Variants in DIP2C observed in about 807,000 individuals in gnomAD.
DIP2C encodes disco-interacting protein 2 homolog C.
Under a neutral mutation model 192.4 loss-of-function variants are expected in DIP2C, and 33 were observed. The observed-to-expected ratio is 0.17, with a 90% confidence interval of 0.13 to 0.23. The LOEUF (loss-of-function observed/expected upper bound fraction) is 0.23. Ranked by LOEUF, DIP2C falls within the 10% of genes least tolerant of loss-of-function variation. The pLI is 1.00. For synonymous variants in DIP2C, 979 were observed against 864.1 expected (o/e 1.13, Z -2.33); for missense variants, 1,537 against 2,110.1 (o/e 0.73, Z 5.32).
chr10:632,129 A>G (rs1854554427), intron 1 of DIP2C, among the ~76,000 whole-genome samples: 1 of 152,268 alleles, frequency 6.6e-6, no homozygotes, highest in African/African-American at 2.4e-5. Context: ...AAAGCAACAC[A>G]GAATCCGTTT....
intron 1 of DIP2C, among the ~76,000 whole-genome samples, chr10:653,724 C>T (rs1052060809): frequency 7.2e-5 from 11 of 152,216 alleles, no homozygotes; most frequent in East Asian, 5.8e-4. Flanking sequence ...GGGGAACAGA[C>T]GGCCCACCAA....
At chr10:572,055 G>A (rs1448952898) in intron 1 of DIP2C, among the ~76,000 whole-genome samples, 1 of 152,238 alleles carries the variant, frequency 6.6e-6, no homozygotes, top group African/African-American at 2.4e-5. Context: ...CTCTAGGGGT[G>A]TTTTCCTCTC....
At chr10:589,991 T>A (rs888643212) in intron 1 of DIP2C, among the ~76,000 whole-genome samples, 1 of 152,224 alleles carries the variant, frequency 6.6e-6, no homozygotes, top group Non-Finnish European at 1.5e-5. Context: ...GACGGTTGAC[T>A]AGAAGAGAAA....
At position 422,617 on chromosome 10, in the gene DIP2C, C is replaced by T. The variant is rs138915116; in HGVS notation, c.604+207G>A. 1.0e-3 allele frequency among the ~76,000 whole-genome samples: 156 copies of T among 152,326 alleles called. 1 individual carries two copies. The highest frequency in any genetic ancestry group is 3.7e-3 in the African/African-American group (152 of 41,570). On this transcript the variant is annotated intron_variant, in intron 5 of 36. Coordinates refer to ENST00000280886, the MANE Select transcript of DIP2C (RefSeq NM_014974.3). ...GCTGCAGGATTCCCCAGGAACAAGG[C>T]CCCTGGAATTGCAGCTGTGGGAGGG...
At chr10:326,545 T>G (rs1397236171) in intron 31 of DIP2C, among the ~76,000 whole-genome samples, 1 of 152,228 alleles carries the variant, frequency 6.6e-6, no homozygotes, top group Non-Finnish European at 1.5e-5. Flanking sequence ...CTAGAGCTGC[T>G]TCACTTACGC....
intron 4 of DIP2C, chr10:437,550 A>AT (rs1458701837): frequency 7.2e-5 from 11 of 152,264 alleles, no homozygotes; most frequent in Admixed American, 2.0e-4. Flanking sequence ...CGTCTCATTC[A>AT]TTCTCCTGCC....
intron 32 of DIP2C, among the ~76,000 whole-genome samples, chr10:303,898 G>A (rs999693943): frequency 6.6e-6 from 1 of 151,916 alleles, no homozygotes; most frequent in Non-Finnish European, 1.5e-5. Context: ...GGGCCTCCAC[G>A]GGGTCAGGAT....
In DIP2C at chr10:651,414, GA is replaced by G. The variant is rs1855894276; in HGVS notation, c.85+38079del. The G allele has an allele frequency of 1.4e-6, 1 of 697,842 alleles. No homozygotes were observed. Among genetic ancestry groups the G allele is most frequent in the African/African-American group, 1.7e-5 (1 of 57,204 alleles). The allele number at this position is 697,842 out of a possible 1,614,324, so 43.2% of individuals were successfully genotyped here. On this transcript the variant is annotated intron_variant, in intron 1 of 36. Transcript: ENST00000280886. This position sits in a 1 kb window ranked among gnomAD's most constrained non-coding sequence, Gnocchi z 4.1. ...CTGTGGAACAACCAAACTCGTGACT[GA>G]ATGAACAAGTATGTTAAGTCGTTAA...
chr10:599,228 G>A (rs1275028678), intron 1 of DIP2C, among the ~76,000 whole-genome samples: 3 of 152,106 alleles, frequency 2.0e-5, no homozygotes, highest in Non-Finnish European at 4.4e-5. Flanking sequence ...TCAACAGAAT[G>A]GTTAGAATGA....
At chr10:480,600 G>T (rs183726862) in intron 2 of DIP2C, among the ~76,000 whole-genome samples, 1 of 152,254 alleles carries the variant, frequency 6.6e-6, no homozygotes, top group Non-Finnish European at 1.5e-5. Context: ...AAACCCACGT[G>T]AGCAGTTCCA....
chr10:325,134 G>A lies in DIP2C; in HGVS notation c.3924+1872C>T, dbSNP rs112883343. The stretch of plus-strand genomic sequence containing the variant: ...CAAAAAATTAGCTGCGCTTGGTGGC[G>A]AGCACCTGTAGTCCCAGATGCTGGG... On this transcript the variant is annotated intron_variant, in intron 31 of 36. Transcript: ENST00000280886. 2,934 of 348,996 alleles carry A rather than the reference G, an allele frequency of 8.4e-3. 20 individuals carry two copies. Among genetic ancestry groups the A allele is most frequent in the Non-Finnish European group, 0.012 (2,175 of 176,642 alleles). The allele number at this position is 348,996 out of a possible 1,614,324, so 21.6% of individuals were successfully genotyped here.
chr10:306,635 A>C (rs1312979793), intron 32 of DIP2C, among the ~76,000 whole-genome samples: 1 of 152,204 alleles, frequency 6.6e-6, no homozygotes. Context: ...AAGAAATAAG[A>C]TCAGTGCTTT....
chr10:619,527 A>AAGCC, intron 1 of DIP2C, among the ~76,000 whole-genome samples: 2 of 44,950 alleles, frequency 4.4e-5, no homozygotes, highest in Non-Finnish European at 7.5e-5. Flanking sequence ...GGCCAGGACC[A>AAGCC]AGCCCGCCCG....
chr10:475,464 G>A (rs1970984798), intron 2 of DIP2C, among the ~76,000 whole-genome samples: 1 of 152,094 alleles, frequency 6.6e-6, no homozygotes. Context: ...ACTCAAACAG[G>A]CTTCCTGTGA....
At chr10:329,748 C>T in intron 29 of DIP2C, 147 bp from the exon 30 acceptor site, 1 of 1,017,530 alleles carries the variant, frequency 9.8e-7, no homozygotes, top group Non-Finnish European at 1.4e-6. Context: ...ACAGTAAAGC[C>T]AACGCTGCAA....
intron 1 of DIP2C, among the ~76,000 whole-genome samples, chr10:592,351 T>A (rs1851452707): frequency 1.3e-5 from 2 of 152,090 alleles, no homozygotes; most frequent in Admixed American, 1.3e-4. Flanking sequence ...CACATTATCT[T>A]CTACAAAAAA....
In DIP2C at chr10:348,781, A is replaced by G. The variant is rs769863673; in HGVS notation, c.3110-19T>C. 1 of 1,611,842 alleles carries G rather than the reference A, an allele frequency of 6.2e-7. No individual in the cohort carries two copies. Among genetic ancestry groups the G allele is most frequent in the Non-Finnish European group, 8.5e-7 (1 of 1,179,416 alleles). On this transcript the variant is annotated intron_variant, in intron 25 of 36. Transcript: ENST00000280886. ...TCTATTCCTACACAAGGAGAGAAAC[A>G]TCATCATTGAAGCAGACCACGCTGC...
intron 1 of DIP2C, among the ~76,000 whole-genome samples, chr10:575,446 G>A (rs561566506): frequency 5.9e-5 from 9 of 152,266 alleles, no homozygotes; most frequent in Middle Eastern, 3.4e-3. Flanking sequence ...TGCTGAGGCC[G>A]TCCTAGGACT....
intron 10 of DIP2C, among the ~76,000 whole-genome samples, chr10:395,896 A>T (rs1245836949): frequency 6.6e-6 from 1 of 152,072 alleles, no homozygotes; most frequent in African/African-American, 2.4e-5. Flanking sequence ...GGCCTCCTGA[A>T]ATGTCCCCAC....
Sources: gnomAD v4.1 joint callset for allele counts (sites outside exome capture counted in the v4.1 genomes callset) on GRCh38, gnomAD v4.1.1 for gene constraint, Gnocchi (gnomAD v3.1) non-coding constraint, MANE v1.5 for transcripts, NCBI Gene and HGNC (gene_info 2026-07-23, HGNC 2026-07-21) for gene names.